Variants in APOB observed in about 807,000 individuals in gnomAD.
The protein encoded by APOB is apolipoprotein B-100.
Under a neutral mutation model 314.1 loss-of-function variants are expected in APOB, and 153 were observed. The observed-to-expected ratio is 0.49, with a 90% CI of 0.43 to 0.56. The LOEUF (loss-of-function observed/expected upper bound fraction) is 0.56, where lower values mean the gene tolerates loss of function less well. Among genes scored for constraint, APOB ranks in the 20% least tolerant of loss-of-function variants. APOB has a pLI of 0.00. For missense variants in APOB, 5,430 were observed against 5,350.7 expected, an observed-to-expected ratio of 1.01 and a Z score of -0.46; for synonymous variants, 2,087 against 2,036.4, an observed-to-expected ratio of 1.02 and a Z score of -0.67.
rs542336755 is a variant in APOB, at chr2:21,009,890, C to T, written c.6978G>A (p.Gly2326=). ...TGATTTTCTCAGCTACTTCAAAATC[C>T]CCAATAAGATTTATAACAAAGTGTT... is the stretch of plus-strand genomic sequence containing the variant. ...HVKHFVINLI[G]DFEVAEKINA... Residue 2326 remains glycine, a synonymous_variant, in exon 26 of 29, where the codon GGG becomes GGA. Coordinates refer to ENST00000233242, the MANE Select transcript of APOB (RefSeq NM_000384.3). 12 of 1,613,908 alleles carry T rather than the reference C, an allele frequency of 7.4e-6. No individual in the cohort carries two copies. The African/African-American group carries it at 1.2e-4, about 16-fold the overall frequency.
rs1572799286 is a variant in APOB at position 21,033,439 on chromosome 2, A to C, written c.984T>G (p.Thr328=). ...TGGTTAGTTTTTTCAGTTCCTGGAG[A>C]GTCTTCAAAACAGCTTCGGCCTGCT... ...PPKQAEAVLK[T]LQELKKLTIS... is the part of the protein sequence containing the mutation. Residue 328 remains threonine (T), a synonymous_variant, in exon 9 of 29, where the codon ACT becomes ACG. Coordinates refer to ENST00000233242, the MANE Select transcript of APOB (RefSeq NM_000384.3). The C allele has an allele frequency of 6.2e-7, 1 of 1,614,006 alleles. No individual in the cohort carries two copies. The highest frequency in any genetic ancestry group is 1.7e-5 in the Admixed American group (1 of 60,000).
chr2:21,005,371 C>A lies in APOB; in HGVS notation c.11497G>T (p.Asp3833Tyr), dbSNP rs1468608421. 11 of 1,614,076 alleles carry A rather than the reference C, an allele frequency of 6.8e-6. No individual in the cohort carries two copies. The highest frequency in any genetic ancestry group is 8.5e-6 in the Non-Finnish European group (10 of 1,179,966). The change falls in exon 26 of 29, where the codon GAT becomes TAT. Residue 3833 changes from aspartate (D) to tyrosine (Y), a missense_variant. This residue lies in a region of APOB where 3,281 missense variants were observed against 3,171.0 expected (regional missense o/e 1.03). Transcript: ENST00000233242. ...SQFTLPKSVS[D>Y]GIAALDLNAV... ...TTTAGATCCAAAGCAGCAATGCCAT[C>A]TGAAACACTTTTTGGAAGCGTGAAC...
At position 21,038,101 on chromosome 2, in the gene APOB, T is replaced by G; in HGVS notation, c.394A>C (p.Lys132Gln). The change falls in exon 5 of 29, where the codon AAG becomes CAG. Residue 132 changes from lysine to glutamine, a missense_variant. By Grantham distance (53) the Lys-to-Gln change is moderately conservative (BLOSUM62 1). Coordinates refer to ENST00000233242, the MANE Select transcript of APOB (RefSeq NM_000384.3). ...TGCTTCCCTTCTGGAATGGCCAGCT[T>G]GAGCTCATACCTGTCCCAGAGAGAG... ...FAAAMSRYEL[K>Q]LAIPEGKQVF... The G allele has an allele frequency of 6.2e-7, 1 of 1,614,080 alleles. No individual in the cohort carries two copies. Among genetic ancestry groups the G allele is most frequent in the Non-Finnish European group, 8.5e-7 (1 of 1,180,034 alleles).
rs1306018500 is a variant in APOB at position 21,006,033 on chromosome 2, T to G, written c.10835A>C (p.Asp3612Ala). The G allele has an allele frequency of 3.7e-6, 6 of 1,613,998 alleles. No individual in the cohort carries two copies. In the East Asian group the frequency reaches 1.1e-4, roughly 30 times the overall value. The change falls in exon 26 of 29, where the codon GAT becomes GCT. Residue 3612 changes from aspartate to alanine, a missense_variant. Coordinates refer to ENST00000233242, the MANE Select transcript of APOB (RefSeq NM_000384.3). ...CACTTCCTGGCCAAGGTCAGGGAAA[T>G]CATGGAAGGAACTGGGCTGACTTGC... Reference protein sequence around the residue: ...VHASQPSSFHDFPDLGQEVAL... With the variant: ...VHASQPSSFHAFPDLGQEVAL...
chr2:21,033,204 C>T (rs1467846455), intron 9 of APOB, 95 bp downstream of exon 9: 3 of 919,054 alleles, frequency 3.3e-6, no homozygotes, highest in East Asian at 2.5e-5. Flanking sequence ...GATTGATATC[C>T]AAATGGTCCC....
rs1344177591 is a variant in APOB at position 21,006,991 on chromosome 2, G to A, written c.9877C>T (p.Pro3293Ser). 1.2e-6 allele frequency: 2 copies of A among 1,614,038 alleles called. No homozygotes were observed. Among genetic ancestry groups the A allele is most frequent in the Non-Finnish European group, 1.7e-6 (2 of 1,179,940 alleles). Reference sequence around the variant, plus strand: ...GATGGCAGGATTAATGTGTATGAAGGCACACGGACGTCAGAACCTAGGATG... The same window carrying A: ...GATGGCAGGATTAATGTGTATGAAGACACACGGACGTCAGAACCTAGGATG... ...FSILGSDVRVPSYTLILPSLE... is the reference protein window; with the variant it reads ...FSILGSDVRVSSYTLILPSLE... Residue 3293 changes from proline to serine, a missense_variant, in exon 26 of 29, where the codon CCT becomes TCT. By Grantham distance (74) the Pro-to-Ser change is moderately conservative. Coordinates refer to ENST00000233242, the MANE Select transcript of APOB (RefSeq NM_000384.3).
chr2:21,039,769 A>G (rs922539757), intron 4 of APOB, among the ~76,000 whole-genome samples: 1 of 152,216 alleles, frequency 6.6e-6, no homozygotes, highest in Non-Finnish European at 1.5e-5. Context: ...GAGAAGACCA[A>G]GGACCAAAAA....
At chr2:21,029,811 C>A (rs761757307) in intron 11 of APOB, 26 bp from the exon 12 acceptor site, 2 of 1,613,818 alleles carry the variant, frequency 1.2e-6, no homozygotes, top group Non-Finnish European at 8.5e-7. Flanking sequence ...GAAACAAGAA[C>A]CCATCAGGGT....
rs1663823364 is a variant in APOB, at chr2:21,029,492, G to GAA, written c.1617+146_1617+147insTT. 8.1e-6 allele frequency: 7 copies of GAA among 861,700 alleles called. No homozygotes were observed. The African/African-American group carries it at 1.2e-4, about 15-fold the overall frequency. 53.4% of individuals were successfully genotyped at this position (861,700 alleles called of 1,614,324 possible). A position where few individuals can be genotyped will look rare whatever the true frequency, so the allele number is the denominator to read the frequency against. The stretch of plus-strand genomic sequence containing the variant: ...GGAAGGAAAGAAGAAAGGGAGGGAG[G>GAA]GAGGAAGGAAGGAAGGAAGGAAGGA... On this transcript the variant is annotated intron_variant, in intron 12 of 28. Coordinates refer to ENST00000233242, the MANE Select transcript of APOB (RefSeq NM_000384.3).
chr2:21,010,657 G>A lies in APOB; in HGVS notation c.6211C>T (p.Leu2071Phe), dbSNP rs1166414133. The change falls in exon 26 of 29, where the codon CTC becomes TTC. Residue 2071 changes from leucine to phenylalanine, a missense_variant. Leu to Phe is a conservative substitution (Grantham distance 22). Transcript: ENST00000233242. ...DKNQDVHSIN[L>F]PFFETLQEYF... ...TCTTGCAAGGTCTCAAAAAATGGGA[G>A]GTTAATGGAGTGAACATCTTGGTTT... is the stretch of plus-strand genomic sequence containing the variant. 3.1e-6 allele frequency: 5 copies of A among 1,613,934 alleles called. No individual in the cohort carries two copies. The highest frequency in any genetic ancestry group is 4.2e-6 in the Non-Finnish European group (5 of 1,180,010).
chr2:21,032,390 C>T lies in APOB; in HGVS notation c.1316G>A (p.Arg439Gln), dbSNP rs61742990. Reference protein sequence around the residue: ...IFNMARDQRSRATLYALSHAV... With the variant: ...IFNMARDQRSQATLYALSHAV... ...GTGGCTCAGCGCATACAAGGTGGCT[C>T]GGCTGCGCTGATCCCTCGCCATGTT... Residue 439 changes from arginine (R) to glutamine (Q), a missense_variant, in exon 10 of 29, where the codon CGA becomes CAA. By Grantham distance (43) the Arg-to-Gln change is conservative (BLOSUM62 1). This residue lies in a region of APOB where 2,085 missense variants were observed against 2,079.7 expected (regional missense o/e 1.00). Transcript: ENST00000233242. 3.1e-5 allele frequency: 50 copies of T among 1,613,892 alleles called. No homozygotes were observed. The African/African-American group carries it at 6.1e-4, about 20-fold the overall frequency.
chr2:21,013,720 A>G lies in APOB; in HGVS notation c.3843-187T>C, dbSNP rs545033830. Among the ~76,000 whole-genome samples the G allele has an allele frequency of 9.9e-5, 15 of 152,266 alleles. No homozygotes were observed. In the East Asian group the frequency reaches 2.9e-3, roughly 29 times the overall value. On this transcript the variant is annotated intron_variant, in intron 24 of 28. Transcript: ENST00000233242. ...CCACCTGTCAAACACTCAAATCCTG[A>G]CAAAGCTCTTCTAAGGGCCACTCCT...
In APOB at chr2:21,009,034, A is replaced by T. The variant is rs1176954628; in HGVS notation, c.7834T>A (p.Phe2612Ile). The change falls in exon 26 of 29, where the codon TTC (phenylalanine) becomes ATC (isoleucine). Residue 2612 changes from phenylalanine to isoleucine, a missense_variant. Phe to Ile is a conservative substitution (Grantham distance 21). Around this residue, in one of 3 missense-constraint regions of APOB, gnomAD observed 3,281 missense variants for 3,171.0 expected, o/e 1.03. Transcript: ENST00000233242. ...VSLQALQKAT[F>I]QTPDFIVPLT... The stretch of plus-strand genomic sequence containing the variant: ...GGGACTATAAAATCAGGTGTCTGGA[A>T]GGTAGCTTTCTGAAGAGCCTGAAGA... 6.2e-7 allele frequency: 1 copy of T among 1,614,136 alleles called. No homozygotes were observed.
intron 17 of APOB, 126 bp from the exon 18 acceptor site, chr2:21,023,168 C>G (rs1409496350): frequency 5.5e-6 from 5 of 910,972 alleles, no homozygotes; most frequent in Non-Finnish European, 7.1e-6. Context: ...GGAAACATTA[C>G]TGGGATTTGT....
In APOB at chr2:21,005,381, T is replaced by C; in HGVS notation, c.11487A>G (p.Lys3829=). The part of the protein sequence containing the change: ...QLTVSQFTLP[K]SVSDGIAALD... The stretch of plus-strand genomic sequence containing the variant: ...AAGCAGCAATGCCATCTGAAACACT[T>C]TTTGGAAGCGTGAACTGGGACACAG... The change falls in exon 26 of 29, where the codon AAA becomes AAG. Residue 3829 remains lysine, a synonymous_variant. Transcript: ENST00000233242. 1 of 1,614,072 alleles carries C rather than the reference T, an allele frequency of 6.2e-7. No individual in the cohort carries two copies. Among genetic ancestry groups the C allele is most frequent in the Non-Finnish European group, 8.5e-7 (1 of 1,179,954 alleles).
Position 21,006,863 on chromosome 2 carries a change from GC to G in APOB, c.10004del (p.Gly3335AlafsTer16), listed in dbSNP as rs1663158630. The G allele has an allele frequency of 6.2e-7, 1 of 1,613,896 alleles. No individual in the cohort carries two copies. The highest frequency in any genetic ancestry group is 1.3e-5 in the African/African-American group (1 of 74,902). On this transcript the variant is annotated frameshift_variant, in exon 26 of 29. Coordinates refer to ENST00000233242, the MANE Select transcript of APOB (RefSeq NM_000384.3). LOFTEE classifies it high-confidence loss of function. Reference protein sequence around the residue: ...TISHIFIPAMGNITYDFSFKS... With the variant: ...TISHIFIPAMXNITYDFSFKS... ...TAAAGGAGAAATCATAGGTAATATT[GC>G]CCATGGCAGGAATAAAAATATGGCT...
At chr2:21,017,329 AT>A (rs1475141000) in intron 20 of APOB, among the ~76,000 whole-genome samples, 4 of 152,194 alleles carry the variant, frequency 2.6e-5, no homozygotes, top group African/African-American at 9.7e-5. Context: ...TGTACAGGCA[AT>A]AAACAAGTAA....
chr2:21,023,993 C>T (rs899472936), intron 16 of APOB: 12 of 233,168 alleles, frequency 5.1e-5, no homozygotes, highest in African/African-American at 2.7e-4. Context: ...ATCATATATG[C>T]CATGGCTTAA....
intron 18 of APOB, among the ~76,000 whole-genome samples, chr2:21,021,037 A>G (rs1413841752): frequency 6.6e-6 from 1 of 152,152 alleles, no homozygotes; most frequent in Non-Finnish European, 1.5e-5. Flanking sequence ...ATGATTCCCA[A>G]ATCCATATGT....
Sources: allele counts gnomAD v4.1 joint callset (sites outside exome capture counted in the v4.1 genomes callset), GRCh38; gene constraint gnomAD v4.1.1; regional missense constraint gnomAD v4.1.1; transcripts MANE v1.5; gene names NCBI Gene and HGNC (gene_info 2026-07-23, HGNC 2026-07-21).